Variants in LRRTM4 observed in about 807,000 individuals in gnomAD.
The protein encoded by LRRTM4 is leucine rich repeat transmembrane neuronal 4, also known as leucine-rich repeat transmembrane neuronal protein 4.
LRRTM4 carries 25 observed loss-of-function variants against 47.6 expected under a neutral mutation model. That is an observed-to-expected ratio of 0.53 (90% confidence interval 0.38 to 0.73). The LOEUF (loss-of-function observed/expected upper bound fraction) is 0.73. Among genes scored for constraint, LRRTM4 ranks in the 30% least tolerant of loss-of-function variants. The pLI, the probability that LRRTM4 is intolerant of heterozygous loss-of-function variation, is 0.00. For missense variants in LRRTM4, 638 were observed against 713.4 expected, an observed-to-expected ratio of 0.89 and a Z score of 1.20; for synonymous variants, 311 against 269.5, an observed-to-expected ratio of 1.15 and a Z score of -1.51.
At chr2:77,370,305 T>C (rs1033275963) in intron 3 of LRRTM4, among the ~76,000 whole-genome samples, 1 of 151,682 alleles carries the variant, frequency 6.6e-6, no homozygotes, top group African/African-American at 2.4e-5. Context: ...GAAGTTAATC[T>C]TGGCTTGATG....
intron 3 of LRRTM4, among the ~76,000 whole-genome samples, chr2:76,940,206 C>A (rs1266082430): frequency 6.6e-6 from 1 of 151,856 alleles, no homozygotes; most frequent in Non-Finnish European, 1.5e-5. Flanking sequence ...TCATGGCAGC[C>A]CTAATTGTAA....
At chr2:76,946,149 A>G (rs1296104127) in intron 3 of LRRTM4, among the ~76,000 whole-genome samples, 1 of 151,988 alleles carries the variant, frequency 6.6e-6, no homozygotes, top group East Asian at 1.9e-4. Flanking sequence ...GAAAGAAGGT[A>G]GAAATCCTTC....
intron 3 of LRRTM4, among the ~76,000 whole-genome samples, chr2:77,178,541 G>A (rs530451224): frequency 7.3e-4 from 111 of 152,074 alleles, no homozygotes; most frequent in Middle Eastern, 3.4e-3. Flanking sequence ...AGTCAAGATC[G>A]CGCCACTGCA....
At chr2:77,221,737 A>T (rs1674638986) in intron 3 of LRRTM4, among the ~76,000 whole-genome samples, 1 of 151,984 alleles carries the variant, frequency 6.6e-6, no homozygotes, top group African/African-American at 2.4e-5. Context: ...AGAGACTTAG[A>T]CTCCCACACA....
intron 3 of LRRTM4, among the ~76,000 whole-genome samples, chr2:77,478,269 CA>C (rs1477026139): frequency 6.6e-6 from 1 of 152,102 alleles, no homozygotes; most frequent in African/African-American, 2.4e-5. Flanking sequence ...GTTGTTATTA[CA>C]AAACATGATT....
chr2:76,932,887 C>T (rs1051324931), intron 3 of LRRTM4, among the ~76,000 whole-genome samples: 3 of 151,996 alleles, frequency 2.0e-5, no homozygotes, highest in African/African-American at 7.2e-5. Flanking sequence ...GGTACATATG[C>T]AGAACATGCA....
At chr2:77,334,795 G>C (rs2104259985) in intron 3 of LRRTM4, among the ~76,000 whole-genome samples, 1 of 152,258 alleles carries the variant, frequency 6.6e-6, no homozygotes. Flanking sequence ...GATGAACTAT[G>C]TTTTAGTCAA....
intron 3 of LRRTM4, among the ~76,000 whole-genome samples, chr2:77,368,034 A>T (rs370655679): frequency 1.1e-3 from 170 of 151,776 alleles, no homozygotes; most frequent in African/African-American, 3.8e-3. Context: ...GTTTTAATAC[A>T]TAAACTCTGT....
intron 3 of LRRTM4, among the ~76,000 whole-genome samples, chr2:76,764,422 G>A (rs980766592): frequency 2.6e-5 from 4 of 152,144 alleles, no homozygotes; most frequent in African/African-American, 9.7e-5. Context: ...ACGTGGTCAG[G>A]AGATCGAGAC....
intron 3 of LRRTM4, among the ~76,000 whole-genome samples, chr2:76,945,094 A>G (rs951378773): frequency 6.6e-6 from 1 of 152,138 alleles, no homozygotes; most frequent in Non-Finnish European, 1.5e-5. Flanking sequence ...GGCCAAGGTC[A>G]CAGATAAAGT....
intron 3 of LRRTM4, among the ~76,000 whole-genome samples, chr2:77,340,211 G>T (rs1376139715): frequency 1.3e-5 from 2 of 151,774 alleles, no homozygotes; most frequent in Non-Finnish European, 2.9e-5. Context: ...TCTCCACCAC[G>T]CATTGCTGGA....
At chr2:77,106,935 G>T (rs1450329973) in intron 3 of LRRTM4, among the ~76,000 whole-genome samples, 1 of 151,690 alleles carries the variant, frequency 6.6e-6, no homozygotes, top group Non-Finnish European at 1.5e-5. Context: ...CTAGAAACCT[G>T]CATATACATC....
At chr2:77,406,831 A>C (rs1674209227) in intron 3 of LRRTM4, among the ~76,000 whole-genome samples, 1 of 152,120 alleles carries the variant, frequency 6.6e-6, no homozygotes. Flanking sequence ...AATAACAAGA[A>C]AATACTGGAA....
chr2:76,956,008 TA>T (rs148959516), intron 3 of LRRTM4, among the ~76,000 whole-genome samples: 109 of 146,262 alleles, frequency 7.5e-4, no homozygotes, highest in African/African-American at 1.9e-3. Context: ...AACTCCCACT[TA>T]AAAAAAAAAG....
At chr2:77,135,854 G>A (rs1190332203) in intron 3 of LRRTM4, among the ~76,000 whole-genome samples, 12 of 151,902 alleles carry the variant, frequency 7.9e-5, no homozygotes, top group Non-Finnish European at 1.3e-4. Flanking sequence ...AATGTAATAA[G>A]TAAAATGAAT....
intron 3 of LRRTM4, among the ~76,000 whole-genome samples, chr2:77,255,754 G>A (rs1675748285): frequency 6.6e-6 from 1 of 151,908 alleles, no homozygotes; most frequent in African/African-American, 2.4e-5. Context: ...CAATATATGT[G>A]GTTTGTACCT....
chr2:77,248,221 A>T (rs1675501181), intron 3 of LRRTM4, among the ~76,000 whole-genome samples: 1 of 151,614 alleles, frequency 6.6e-6, no homozygotes, highest in Non-Finnish European at 1.5e-5. Flanking sequence ...TGTGTGTTTT[A>T]TGTGAGTATA....
intron 3 of LRRTM4, among the ~76,000 whole-genome samples, chr2:76,868,648 T>A (rs1429552707): frequency 6.6e-6 from 1 of 152,212 alleles, no homozygotes; most frequent in Non-Finnish European, 1.5e-5. Context: ...TCTAGTTCTA[T>A]GTGAAAATAT....
At chr2:77,063,596 AAT>A (rs1007146643) in intron 3 of LRRTM4, among the ~76,000 whole-genome samples, 59 of 152,180 alleles carry the variant, frequency 3.9e-4, no homozygotes, top group African/African-American at 1.2e-3. Context: ...AAGTCTTTAA[AAT>A]ATGTTATTGC....
Sources: allele counts gnomAD v4.1 joint callset (sites outside exome capture counted in the v4.1 genomes callset), GRCh38; gene constraint gnomAD v4.1.1; transcripts MANE v1.5; gene names NCBI Gene and HGNC (gene_info 2026-07-23, HGNC 2026-07-21).